Variants in CTNNA3 observed in about 807,000 individuals in gnomAD.
CTNNA3 encodes catenin alpha-3.
A neutral mutation model predicts 95.7 loss-of-function variants in CTNNA3; 76 were observed. The observed-to-expected ratio is 0.79, with a 90% CI of 0.66 to 0.96. The LOEUF is 0.96. Among genes scored for constraint, CTNNA3 ranks in the 40% least tolerant of loss-of-function variants. The pLI, the probability that CTNNA3 is intolerant of heterozygous loss-of-function variation, is 0.00. For missense variants in CTNNA3, 1,191 were observed against 1,089.8 expected, an observed-to-expected ratio of 1.09 and a Z score of -1.31; for synonymous variants, 431 against 374.4, an observed-to-expected ratio of 1.15 and a Z score of -1.74.
rs1046467004 is a variant in CTNNA3 at position 67,430,853 on chromosome 10, A to ACACACACACC, written c.579+90988_579+90989insGGTGTGTGTG. ...CACACACACACACACACACACACAC[A>ACACACACACC]CCCTCACACATTTCGCCTAAAAAGA... On this transcript the variant is annotated intron_variant, in intron 5 of 17. Transcript: ENST00000433211. 2.2e-3 allele frequency among the ~76,000 whole-genome samples: 335 copies of ACACACACACC among 150,028 alleles called. 5 individuals carry two copies. The highest frequency in any genetic ancestry group is 6.1e-3 in the East Asian group (31 of 5,064).
chr10:66,980,121 GTTTCTA>G (rs1239534496), intron 7 of CTNNA3, among the ~76,000 whole-genome samples: 1 of 152,096 alleles, frequency 6.6e-6, no homozygotes, highest in African/African-American at 2.4e-5. Context: ...AATCAAATTT[GTTTCTA>G]TTTCATTTCT....
intron 9 of CTNNA3, among the ~76,000 whole-genome samples, chr10:66,651,681 C>A (rs117270396): frequency 0.24 from 36,607 of 151,748 alleles, 5,628 homozygotes; most frequent in East Asian, 0.52. Context: ...GGGGACCCAG[C>A]GCACCCTCTG....
At chr10:66,874,962 G>A (rs937294266) in intron 7 of CTNNA3, among the ~76,000 whole-genome samples, 5 of 152,126 alleles carry the variant, frequency 3.3e-5, no homozygotes, top group African/African-American at 1.2e-4. Flanking sequence ...TTTAGCCAAG[G>A]TTCACGCAAA....
In CTNNA3 at chr10:67,519,394, A is replaced by G. The variant is rs550963952; in HGVS notation, c.579+2448T>C. On this transcript the variant is annotated intron_variant, in intron 5 of 17. Transcript: ENST00000433211. ...TGTTTTAAAAAATGGATAGAAGAAT[A>G]AAATATGTTAGGAGAAAACCTCAAT... 2.2e-3 allele frequency among the ~76,000 whole-genome samples: 335 copies of G among 152,326 alleles called. 2 individuals carry two copies. The highest frequency in any genetic ancestry group is 7.7e-3 in the African/African-American group (319 of 41,574).
Position 66,392,083 on chromosome 10 carries a change from A to AG in CTNNA3, c.1532-12732_1532-12731insC, listed in dbSNP as rs1211381991. Among the ~76,000 whole-genome samples the AG allele has an allele frequency of 1.2e-4, 19 of 152,070 alleles. 1 individual carries two copies. In the East Asian group the frequency reaches 2.3e-3, roughly 19 times the overall value. ...TAACAATTTTTTTACAAAAAAATGA[A>AG]TACATTGGACTTCGTAAAAATTTAA... On this transcript the variant is annotated intron_variant, in intron 11 of 17. Coordinates refer to ENST00000433211, the MANE Select transcript of CTNNA3 (RefSeq NM_013266.4).
intron 1 of CTNNA3, among the ~76,000 whole-genome samples, chr10:67,663,627 C>T (rs539338452): frequency 6.6e-6 from 1 of 152,276 alleles, no homozygotes; most frequent in Admixed American, 6.5e-5. Flanking sequence ...CGGACACCAG[C>T]TTCCCATCGC....
intron 10 of CTNNA3, among the ~76,000 whole-genome samples, chr10:66,549,296 G>A (rs1842142141): frequency 3.3e-5 from 5 of 151,966 alleles, no homozygotes; most frequent in Admixed American, 2.6e-4. Context: ...ACGCCCGGCC[G>A]CCTTTCTTCT....
chr10:67,172,002 T>C (rs545990748), intron 7 of CTNNA3, among the ~76,000 whole-genome samples: 2 of 152,178 alleles, frequency 1.3e-5, no homozygotes, highest in Non-Finnish European at 2.9e-5. Flanking sequence ...CTTTCTTTCT[T>C]CCCTCTACTT....
At chr10:66,310,440 T>C (rs1371517241) in intron 12 of CTNNA3, among the ~76,000 whole-genome samples, 4 of 152,174 alleles carry the variant, frequency 2.6e-5, no homozygotes, top group Non-Finnish European at 5.9e-5. Flanking sequence ...ACTATTTCTA[T>C]AAATTGCCTT....
Position 66,927,018 on chromosome 10 carries a change from C to T in CTNNA3, c.1048-151494G>A, listed in dbSNP as rs1847122103. 6.2e-7 allele frequency: 1 copy of T among 1,613,984 alleles called. No homozygotes were observed. The highest frequency in any genetic ancestry group is 1.1e-5 in the South Asian group (1 of 91,088). On this transcript the variant is annotated intron_variant, in intron 7 of 17. Coordinates refer to ENST00000433211, the MANE Select transcript of CTNNA3 (RefSeq NM_013266.4). This position sits in a 1 kb window ranked among gnomAD's most constrained non-coding sequence, Gnocchi z 4.7. ...TGCTTTCTTCTGCCGAACGAGGATG[C>T]CCTAAGGGCTGTAGGTGTGAAGGCA...
chr10:67,743,928 A>G (rs1841358673), intron 1 of CTNNA3, among the ~76,000 whole-genome samples: 2 of 151,252 alleles, frequency 1.3e-5, no homozygotes, highest in African/African-American at 2.4e-5. Flanking sequence ...TAAAATACCT[A>G]GGAATCCAAC....
At chr10:67,731,442 C>T (rs1841273202) in intron 1 of CTNNA3, among the ~76,000 whole-genome samples, 1 of 152,102 alleles carries the variant, frequency 6.6e-6, no homozygotes, top group African/African-American at 2.4e-5. Flanking sequence ...GATCGCACCA[C>T]TGCACTCCAG....
rs1404927786 is a variant in CTNNA3 at position 67,521,876 on chromosome 10, T to C, written c.545A>G (p.Glu182Gly). 1.2e-6 allele frequency: 2 copies of C among 1,612,884 alleles called. No homozygotes were observed. The highest frequency in any genetic ancestry group is 1.7e-6 in the Non-Finnish European group (2 of 1,179,230). The change falls in exon 5 of 18, where the codon GAA becomes GGA. Residue 182 changes from glutamate (E) to glycine (G), a missense_variant. Coordinates refer to ENST00000433211, the MANE Select transcript of CTNNA3 (RefSeq NM_013266.4). ...KTYQKLGKEL[E>G]NLDYLAFKRQ... is the part of the protein sequence containing the mutation. Reference sequence around the variant, plus strand: ...TTTGAAGGCTAAATAATCCAAATTTTCCAGCTCCTTCCCAAGCTTCTGGTA... The same window carrying C: ...TTTGAAGGCTAAATAATCCAAATTTCCCAGCTCCTTCCCAAGCTTCTGGTA...
intron 7 of CTNNA3, among the ~76,000 whole-genome samples, chr10:66,874,728 A>G (rs1392373831): frequency 6.6e-6 from 1 of 152,208 alleles, no homozygotes; most frequent in Non-Finnish European, 1.5e-5. Flanking sequence ...TTTTCTACCA[A>G]AAGAGGTATT....
At chr10:66,508,630 G>A (rs1840548450) in intron 11 of CTNNA3, among the ~76,000 whole-genome samples, 1 of 151,924 alleles carries the variant, frequency 6.6e-6, no homozygotes, top group South Asian at 2.1e-4. Flanking sequence ...ATATCTGAGT[G>A]AGAAGATATG....
intron 7 of CTNNA3, among the ~76,000 whole-genome samples, chr10:66,796,161 G>A (rs973774086): frequency 6.6e-6 from 1 of 152,026 alleles, no homozygotes; most frequent in Non-Finnish European, 1.5e-5. Context: ...AAGGCCTAGC[G>A]TTTGGCCTGT....
chr10:66,709,256 A>T (rs556516558), intron 9 of CTNNA3, among the ~76,000 whole-genome samples: 1 of 152,178 alleles, frequency 6.6e-6, no homozygotes, highest in South Asian at 2.1e-4. Context: ...AGTCCACGGA[A>T]TTTCCTGTGC....
chr10:65,932,109 G>C (rs1345003276), intron 17 of CTNNA3, among the ~76,000 whole-genome samples: 1 of 152,060 alleles, frequency 6.6e-6, no homozygotes, highest in African/African-American at 2.4e-5. Context: ...TTAAGAATAG[G>C]GACTCTGGAG....
chr10:66,551,503 A>T (rs908300010), intron 10 of CTNNA3, among the ~76,000 whole-genome samples: 1 of 152,100 alleles, frequency 6.6e-6, no homozygotes, highest in Non-Finnish European at 1.5e-5. Flanking sequence ...TAAGACTTCC[A>T]TCAATTCAAA....
Sources: allele counts gnomAD v4.1 joint callset (sites outside exome capture counted in the v4.1 genomes callset), GRCh38; gene constraint gnomAD v4.1.1; non-coding constraint Gnocchi (gnomAD v3.1); transcripts MANE v1.5; gene names NCBI Gene and HGNC (gene_info 2026-07-23, HGNC 2026-07-21).